Variants in ROBO2 observed in about 807,000 individuals in gnomAD.
The protein encoded by ROBO2 is roundabout homolog 2.
In ROBO2, 53 loss-of-function variants were observed where a neutral mutation model predicts 160.8. The ratio of observed to expected loss-of-function variants is 0.33; its 90% CI spans 0.26 to 0.41. ROBO2 has a LOEUF of 0.41. Ranked by LOEUF, ROBO2 falls within the 10% of genes least tolerant of loss-of-function variation. The pLI is 1.00. For synonymous variants in ROBO2, 664 were observed against 611.7 expected, an observed-to-expected ratio of 1.09 and a Z score of -1.26; for missense variants, 1,577 against 1,722.4, an observed-to-expected ratio of 0.92 and a Z score of 1.49.
At chr3:76,683,480 A>AC (rs3066798) in intron 2 of ROBO2, among the ~76,000 whole-genome samples, 18 of 150,878 alleles carry the variant, frequency 1.2e-4, no homozygotes, top group Non-Finnish European at 1.6e-4. Flanking sequence ...AAAAAAAAAA[A>AC]CCTGGAAAAC....
In ROBO2 at chr3:77,293,096, G is replaced by A. The variant is rs548697316; in HGVS notation, c.389-184318G>A. 6.3e-4 allele frequency among the ~76,000 whole-genome samples: 96 copies of A among 151,190 alleles called. 1 individual carries two copies. The highest frequency in any genetic ancestry group is 1.6e-3 in the African/African-American group (66 of 41,296). ...ACTAAAGACATAAAGTAAAATTGGC[G>A]GTTAAACGGGTAAGCTGAGGCTAGA... On this transcript the variant is annotated intron_variant, in intron 2 of 25. Transcript: ENST00000461745.
chr3:77,517,116 C>T (rs78370039), intron 5 of ROBO2, among the ~76,000 whole-genome samples: 6,355 of 151,342 alleles, frequency 0.042, 431 homozygotes, highest in African/African-American at 0.14. Flanking sequence ...GAAAATAAAA[C>T]GTATTAAAAA....
At chr3:77,188,209 T>A (rs1401249666) in intron 2 of ROBO2, among the ~76,000 whole-genome samples, 1 of 151,902 alleles carries the variant, frequency 6.6e-6, no homozygotes, top group African/African-American at 2.4e-5. Flanking sequence ...TTTACTTATA[T>A]ATTATTTGCT....
intron 2 of ROBO2, among the ~76,000 whole-genome samples, chr3:76,087,316 T>G (rs1303006553): frequency 6.6e-6 from 1 of 152,090 alleles, no homozygotes; most frequent in African/African-American, 2.4e-5. Flanking sequence ...AAATATTATA[T>G]CTGACTTCCT....
chr3:76,321,916 T>C (rs933714021), intron 2 of ROBO2, among the ~76,000 whole-genome samples: 3 of 151,940 alleles, frequency 2.0e-5, no homozygotes, highest in Non-Finnish European at 4.4e-5. Context: ...TTGCAAGATT[T>C]ACTTTTTGAT....
intron 2 of ROBO2, among the ~76,000 whole-genome samples, chr3:76,354,140 A>G (rs549254559): frequency 6.6e-6 from 1 of 152,102 alleles, no homozygotes; most frequent in East Asian, 1.9e-4. Flanking sequence ...TTCATTTTAC[A>G]AGATAACTAA....
chr3:77,602,438 C>T, exon 20 of ROBO2: 1 of 1,614,152 alleles, frequency 6.2e-7, no homozygotes, highest in Non-Finnish European at 8.5e-7. Flanking sequence ...CAGCAAAAAA[C>T]AGATCTGATG....
intron 2 of ROBO2, among the ~76,000 whole-genome samples, chr3:76,773,964 A>G (rs931129199): frequency 2.1e-4 from 32 of 150,872 alleles, no homozygotes; most frequent in South Asian, 1.0e-3. Flanking sequence ...TATGGAAAGT[A>G]TGGACAAATA....
At chr3:76,037,260 C>CTTT (rs5850229) in intron 2 of ROBO2, among the ~76,000 whole-genome samples, 1 of 137,176 alleles carries the variant, frequency 7.3e-6, no homozygotes, top group Admixed American at 7.3e-5. Flanking sequence ...TTTCTTTTTT[C>CTTT]TTTTTTTTTT....
intron 2 of ROBO2, among the ~76,000 whole-genome samples, chr3:76,353,787 C>T: frequency 6.6e-6 from 1 of 151,850 alleles, no homozygotes. Context: ...TTTCTTAGAA[C>T]TTAGAGAACT....
intron 2 of ROBO2, among the ~76,000 whole-genome samples, chr3:76,925,080 C>T (rs2076895115): frequency 6.6e-6 from 1 of 150,760 alleles, no homozygotes; most frequent in Non-Finnish European, 1.5e-5. Flanking sequence ...TAGTGGCGGG[C>T]ACCTGTAGTC....
chr3:77,181,459 T>G (rs1289040611), intron 2 of ROBO2, among the ~76,000 whole-genome samples: 2 of 152,108 alleles, frequency 1.3e-5, no homozygotes, highest in Non-Finnish European at 2.9e-5. Context: ...AAAATAGGAC[T>G]TGCTGTGCTG....
intron 2 of ROBO2, among the ~76,000 whole-genome samples, chr3:76,109,010 C>T (rs1051734785): frequency 1.3e-5 from 2 of 151,488 alleles, no homozygotes; most frequent in Non-Finnish European, 3.0e-5. Context: ...TTCTCTGTAT[C>T]TTTTTTCGCA....
At chr3:77,000,573 T>G (rs1178123029) in intron 2 of ROBO2, among the ~76,000 whole-genome samples, 1 of 130,524 alleles carries the variant, frequency 7.7e-6, no homozygotes, top group African/African-American at 3.1e-5. Context: ...TAGCTGGCAT[T>G]TTCATGACTT....
At chr3:76,664,960 G>A (rs575284326) in intron 2 of ROBO2, among the ~76,000 whole-genome samples, 34 of 152,270 alleles carry the variant, frequency 2.2e-4, no homozygotes, top group African/African-American at 6.3e-4. Flanking sequence ...AGAGTCAAAC[G>A]CTACAGAGAT....
intron 21 of ROBO2, among the ~76,000 whole-genome samples, chr3:77,609,376 A>T (rs550426369): frequency 6.6e-6 from 1 of 152,266 alleles, no homozygotes; most frequent in South Asian, 2.1e-4. Context: ...TGTGTATTCC[A>T]CAAGAGATTA....
chr3:77,382,560 C>G (rs933908892), intron 2 of ROBO2, among the ~76,000 whole-genome samples: 1 of 152,018 alleles, frequency 6.6e-6, no homozygotes, highest in Non-Finnish European at 1.5e-5. Flanking sequence ...CTCCTTCACC[C>G]CCTTCCCAAC....
At chr3:76,411,633 T>A (rs543649741) in intron 2 of ROBO2, among the ~76,000 whole-genome samples, 1 of 152,242 alleles carries the variant, frequency 6.6e-6, no homozygotes, top group Non-Finnish European at 1.5e-5. Flanking sequence ...CATATCCAAC[T>A]CTCCCTCCAA....
chr3:77,443,524 A>C (rs538503402), intron 2 of ROBO2, among the ~76,000 whole-genome samples: 1 of 152,302 alleles, frequency 6.6e-6, no homozygotes, highest in Non-Finnish European at 1.5e-5. Context: ...ATGTCAAAAT[A>C]ATATTGAAGA....
Sources: gnomAD v4.1 joint callset for allele counts (sites outside exome capture counted in the v4.1 genomes callset) on GRCh38, gnomAD v4.1.1 for gene constraint, MANE v1.5 for transcripts, NCBI Gene and HGNC (gene_info 2026-07-23, HGNC 2026-07-21) for gene names.